The following CNOT3 variants were observed in gnomAD, a reference collection of about 807,000 sequenced individuals.
The protein encoded by CNOT3 is CCR4-associated factor 3.
A neutral mutation model predicts 89.4 loss-of-function variants in CNOT3; 2 were observed. The ratio of observed to expected loss-of-function variants is 0.02; its 90% CI spans 0.01 to 0.07. The LOEUF (loss-of-function observed/expected upper bound fraction) is 0.07, where lower values mean the gene tolerates loss of function less well. Ranked by LOEUF, CNOT3 falls within the 10% of genes least tolerant of loss-of-function variation. The pLI, the probability that CNOT3 is intolerant of heterozygous loss-of-function variation, is 1.00. For missense variants in CNOT3, 664 were observed against 1,010.2 expected (o/e 0.66, Z 4.65); for synonymous variants, 486 against 402.0 (o/e 1.21, Z -2.50).
At chr19:54,151,343 G>A (rs754090260) in intron 13 of CNOT3, among the ~76,000 whole-genome samples, 1 of 152,130 alleles carries the variant, frequency 6.6e-6, no homozygotes, top group Non-Finnish European at 1.5e-5. Context: ...GGGCAGGAGA[G>A]GACAGGCCTG....
intron 17 of CNOT3, 120 bp from the exon 18 acceptor site, chr19:54,155,189 C>A (rs2075345217): frequency 1.7e-6 from 2 of 1,162,338 alleles, no homozygotes; most frequent in Non-Finnish European, 2.4e-6. Context: ...GCGTGCAGGG[C>A]AGCTGGCCCG....
Position 54,144,373 on chromosome 19 carries a change from C to A in CNOT3, c.483+41C>A. On this transcript the variant is annotated intron_variant, in intron 7 of 17. Transcript: ENST00000221232. This position sits in a 1 kb window ranked among gnomAD's most constrained non-coding sequence, Gnocchi z 4.8. ...CCGACACCTTTGGGATGGGGATGGG[C>A]ATGGGAATGGGCTGGCCAGCAGGAG... The A allele has an allele frequency of 6.8e-7, 1 of 1,477,916 alleles. No homozygotes were observed. The allele number at this position is 1,477,916 out of a possible 1,614,324, so 91.6% of individuals were successfully genotyped here.
intron 17 of CNOT3, chr19:54,154,066 G>A: frequency 4.2e-6 from 3 of 718,066 alleles, no homozygotes; most frequent in Non-Finnish European, 7.7e-6. Flanking sequence ...CAGCCCAAAT[G>A]TCCCTTCCTC....
At chr19:54,146,225 A>C (rs117590318) in intron 9 of CNOT3, among the ~76,000 whole-genome samples, 182 bp downstream of exon 9, 183 of 152,308 alleles carry the variant, frequency 1.2e-3, no homozygotes, top group Middle Eastern at 0.01. Context: ...AAAGGACATA[A>C]AGAGCAATAG....
chr19:54,146,797 GGTGGGCAGGGCAA>G lies in CNOT3; in HGVS notation c.894+145_894+157del, dbSNP rs2074697389. On this transcript the variant is annotated intron_variant, in intron 10 of 17. Transcript: ENST00000221232. Reference sequence around the variant, plus strand: ...AGAAATCAGTGCTGCCCTGAGGGCAGGTGGGCAGGGCAAGTGGACAGGTGACTGGTGCTGTGGT... The same window carrying G: ...AGAAATCAGTGCTGCCCTGAGGGCAGGTGGACAGGTGACTGGTGCTGTGGT... 3.8e-5 allele frequency: 26 copies of G among 692,164 alleles called. No individual in the cohort carries two copies. The East Asian group carries it at 6.5e-4, about 17-fold the overall frequency. 42.9% of individuals were successfully genotyped at this position (692,164 alleles called of 1,614,324 possible).
At chr19:54,152,795 A>G (rs754173730) in intron 15 of CNOT3, 72 bp from the exon 16 acceptor site, 1 of 855,850 alleles carries the variant, frequency 1.2e-6, no homozygotes, top group Non-Finnish European at 1.9e-6. Flanking sequence ...GCAGGGATGC[A>G]TGTCTGAGCA....
In CNOT3 at chr19:54,153,221, G is replaced by A. The variant is rs111944138; in HGVS notation, c.2037+222G>A. On this transcript the variant is annotated intron_variant, in intron 16 of 17. Coordinates refer to ENST00000221232, the MANE Select transcript of CNOT3 (RefSeq NM_014516.4). ...ACTGCTTGGGTTGACAGCGAGGCTG[G>A]TCCACTGAGGCACACCTCAGCCCCG... The A allele has an allele frequency of 5.8e-4, 442 of 763,920 alleles. 5 individuals are homozygous for A. Among genetic ancestry groups the A allele is most frequent in the African/African-American group, 5.6e-3 (332 of 59,172 alleles). The allele number at this position is 763,920 out of a possible 1,614,324, so 47.3% of individuals were successfully genotyped here.
At chr19:54,138,510 G>T (rs587773144) in intron 1 of CNOT3, among the ~76,000 whole-genome samples, 1 of 152,114 alleles carries the variant, frequency 6.6e-6, no homozygotes, top group Non-Finnish European at 1.5e-5. Flanking sequence ...GGCGGGGAGG[G>T]GGGGTGGTGG....
chr19:54,153,485 T>TCCTTCTC (rs2075254589), intron 16 of CNOT3: 1 of 777,012 alleles, frequency 1.3e-6, no homozygotes, highest in Non-Finnish European at 2.4e-6. Context: ...TAGTTTTTCT[T>TCCTTCTC]CCTTCTCAAA....
Position 54,145,479 on chromosome 19 carries a change from A to T in CNOT3, c.484-119A>T. 1 of 691,066 alleles carries T rather than the reference A, an allele frequency of 1.4e-6. No homozygotes were observed. The highest frequency in any genetic ancestry group is 2.6e-6 in the Non-Finnish European group (1 of 387,118). The allele number at this position is 691,066 out of a possible 1,614,324, so 42.8% of individuals were successfully genotyped here. On this transcript the variant is annotated intron_variant, in intron 7 of 17. Coordinates refer to ENST00000221232, the MANE Select transcript of CNOT3 (RefSeq NM_014516.4). This position sits in a 1 kb window ranked among gnomAD's most constrained non-coding sequence, Gnocchi z 5.9. Reference sequence around the variant, plus strand: ...CCCATACTGCCCCACCCCGAAGGGGATGGCGTGGAGGCTTTGGGTCTCCAC... The same window carrying T: ...CCCATACTGCCCCACCCCGAAGGGGTTGGCGTGGAGGCTTTGGGTCTCCAC...
chr19:54,154,232 T>C (rs1455289723), intron 17 of CNOT3: 3 of 396,030 alleles, frequency 7.6e-6, no homozygotes, highest in African/African-American at 4.1e-5. Context: ...CACCTCCAGG[T>C]CCCAGCACTC....
chr19:54,153,346 GC>G (rs1568690147), intron 16 of CNOT3: 3 of 761,972 alleles, frequency 3.9e-6, no homozygotes, highest in Non-Finnish European at 4.8e-6. Context: ...ACATTCTCAG[GC>G]CTCCCTGGAG....
Position 54,155,479 on chromosome 19 carries a change from T to A in CNOT3, c.*72T>A. 1.9e-6 allele frequency: 2 copies of A among 1,069,914 alleles called. No individual in the cohort carries two copies. Among genetic ancestry groups the A allele is most frequent in the East Asian group, 2.7e-5 (1 of 37,122 alleles). The allele number at this position is 1,069,914 out of a possible 1,614,324, so 66.3% of individuals were successfully genotyped here. On this transcript the variant is annotated 3_prime_UTR_variant, in exon 18 of 18. Transcript: ENST00000221232. ...CCCTGCCCAGGTGAGGGCCCTGCCCTGGAAGACTGGAGGGAGGCCCCAAGC... is the reference window on the plus strand; with the variant it reads ...CCCTGCCCAGGTGAGGGCCCTGCCCAGGAAGACTGGAGGGAGGCCCCAAGC...
intron 13 of CNOT3, among the ~76,000 whole-genome samples, chr19:54,151,376 C>A (rs587658356): frequency 4.0e-5 from 6 of 151,858 alleles, no homozygotes; most frequent in Non-Finnish European, 8.8e-5. Flanking sequence ...CATGGTGGCA[C>A]GACAGGGAAG....
At chr19:54,140,178 G>A (rs2074390316) in intron 1 of CNOT3, among the ~76,000 whole-genome samples, 2 of 152,264 alleles carry the variant, frequency 1.3e-5, no homozygotes, top group Middle Eastern at 3.4e-3. Context: ...AGTCTGGGGG[G>A]CTCTTCTTTA....
At chr19:54,147,759 A>G (rs1215394296) in intron 10 of CNOT3, among the ~76,000 whole-genome samples, 1 of 151,874 alleles carries the variant, frequency 6.6e-6, no homozygotes, top group Non-Finnish European at 1.5e-5. Context: ...TTTTCCTTCT[A>G]CTCTTGGACA....
In CNOT3 at chr19:54,155,461, C is replaced by T. The variant is rs1186832654; in HGVS notation, c.*54C>T. 1.8e-5 allele frequency: 22 copies of T among 1,211,922 alleles called. No individual in the cohort carries two copies. Among genetic ancestry groups the T allele is most frequent in the Non-Finnish European group, 2.5e-5 (21 of 850,112 alleles). The allele number at this position is 1,211,922 out of a possible 1,614,324, so 75.1% of individuals were successfully genotyped here. ...TCCCCCGCATGCTGATCCCCCTGCC[C>T]AGGTGAGGGCCCTGCCCTGGAAGAC... On this transcript the variant is annotated 3_prime_UTR_variant, in exon 18 of 18. Transcript: ENST00000221232.
intron 10 of CNOT3, among the ~76,000 whole-genome samples, chr19:54,147,116 G>A (rs1209685160): frequency 6.6e-6 from 1 of 152,236 alleles, no homozygotes; most frequent in Non-Finnish European, 1.5e-5. Context: ...AATAAGCCTA[G>A]GAAGCGATGG....
rs770165877 is a variant in CNOT3 at position 54,153,857 on chromosome 19, C to A, written c.2163+17C>A. 6.2e-7 allele frequency: 1 copy of A among 1,614,082 alleles called. No individual in the cohort carries two copies. The highest frequency in any genetic ancestry group is 2.2e-5 in the East Asian group (1 of 44,866). On this transcript the variant is annotated intron_variant, in intron 17 of 17. Transcript: ENST00000221232. ...TTTGAGCAGGTGAGGGCCCCGCCCC[C>A]TCTCTTCCCGCTGCTAGGGTTGGGG...
Sources: allele counts gnomAD v4.1 joint callset (sites outside exome capture counted in the v4.1 genomes callset), GRCh38; gene constraint gnomAD v4.1.1; non-coding constraint Gnocchi (gnomAD v3.1); transcripts MANE v1.5; gene names NCBI Gene and HGNC (gene_info 2026-07-23, HGNC 2026-07-21).